The following PTPRT variants were observed in gnomAD, a reference collection of about 807,000 sequenced individuals.
PTPRT encodes the protein protein tyrosine phosphatase receptor type T, also known as receptor-type tyrosine-protein phosphatase T.
Under a neutral mutation model 176.8 loss-of-function variants are expected in PTPRT, and 56 were observed. The observed-to-expected ratio is 0.32, with a 90% CI of 0.26 to 0.40. PTPRT has a LOEUF of 0.40. PTPRT is among the 10% of genes least tolerant of loss of function. PTPRT has a pLI of 1.00. For synonymous variants in PTPRT, 783 were observed against 739.0 expected (o/e 1.06, Z -0.96); for missense variants, 1,540 against 1,908.2 (o/e 0.81, Z 3.60).
chr20:42,780,633 C>T (rs2077201230), intron 3 of PTPRT, among the ~76,000 whole-genome samples: 1 of 152,164 alleles, frequency 6.6e-6, no homozygotes, highest in South Asian at 2.1e-4. Flanking sequence ...CACAACTTGA[C>T]CATTCTTCTA....
intron 17 of PTPRT, among the ~76,000 whole-genome samples, chr20:42,160,733 C>A (rs1463935827): frequency 6.6e-6 from 1 of 152,190 alleles, no homozygotes; most frequent in African/African-American, 2.4e-5. Flanking sequence ...CGGTAACAAC[C>A]ACTACCTGCA....
chr20:43,114,600 C>T (rs1301512002), intron 1 of PTPRT, among the ~76,000 whole-genome samples: 1 of 152,090 alleles, frequency 6.6e-6, no homozygotes, highest in Non-Finnish European at 1.5e-5. Context: ...GGCCATTATC[C>T]TACTAATAAC....
At chr20:42,153,906 GTC>G (rs2146470246) in intron 17 of PTPRT, among the ~76,000 whole-genome samples, 1 of 152,292 alleles carries the variant, frequency 6.6e-6, no homozygotes, top group East Asian at 1.9e-4. Context: ...CATAACCATA[GTC>G]TCTTCCATGT....
intron 9 of PTPRT, among the ~76,000 whole-genome samples, chr20:42,376,180 G>A (rs190254305): frequency 5.9e-5 from 9 of 152,298 alleles, no homozygotes; most frequent in Non-Finnish European, 8.8e-5. Context: ...AGATGGAAAC[G>A]CTCCACCCTG....
At position 42,952,313 on chromosome 20, in the gene PTPRT, G is replaced by A. The variant is rs565773716; in HGVS notation, c.89-66381C>T. On this transcript the variant is annotated intron_variant, in intron 1 of 30. Transcript: ENST00000373187. ...TTCATGGAGCCAGAATCAAAGGGCT[G>A]CATAAACTAGGATTGTGTCCTCCTC... Among the ~76,000 whole-genome samples the A allele has an allele frequency of 2.6e-5, 4 of 152,356 alleles. No homozygotes were observed. The South Asian group carries it at 8.3e-4, about 32-fold the overall frequency.
chr20:42,369,013 C>T (rs529259308), intron 9 of PTPRT, among the ~76,000 whole-genome samples: 4 of 151,190 alleles, frequency 2.6e-5, no homozygotes, highest in Admixed American at 2.6e-4. Context: ...TTTCCTTTAC[C>T]TTTTCCCCTT....
intron 1 of PTPRT, among the ~76,000 whole-genome samples, chr20:42,893,541 G>T (rs2079233573): frequency 6.6e-6 from 1 of 151,594 alleles, no homozygotes; most frequent in South Asian, 2.1e-4. Flanking sequence ...AAATCATGCT[G>T]CTATAAAGAC....
intron 1 of PTPRT, among the ~76,000 whole-genome samples, chr20:42,970,504 C>T (rs1042280725): frequency 6.6e-6 from 1 of 152,142 alleles, no homozygotes; most frequent in African/African-American, 2.4e-5. Flanking sequence ...GTTATGCGAC[C>T]TTGACAAGTT....
intron 21 of PTPRT, among the ~76,000 whole-genome samples, chr20:42,116,304 C>G (rs924712518): frequency 6.6e-6 from 1 of 152,150 alleles, no homozygotes. Flanking sequence ...ATTTCCCAAA[C>G]GTATTTAACC....
At chr20:42,538,283 C>A (rs1326564364) in intron 7 of PTPRT, among the ~76,000 whole-genome samples, 2 of 152,096 alleles carry the variant, frequency 1.3e-5, no homozygotes, top group African/African-American at 4.8e-5. Flanking sequence ...GCAGGACACC[C>A]CTCTCAAGGT....
At chr20:43,120,885 A>G (rs1813607607) in intron 1 of PTPRT, among the ~76,000 whole-genome samples, 1 of 152,238 alleles carries the variant, frequency 6.6e-6, no homozygotes, top group African/African-American at 2.4e-5. Context: ...ATACAGAAAA[A>G]TGTACAAATC....
chr20:42,040,793 G>T, the PTPRT span, among the ~76,000 whole-genome samples: 2 of 152,126 alleles, frequency 1.3e-5, no homozygotes, highest in African/African-American at 4.8e-5. Context: ...ATGCTGCAGG[G>T]GTGTCTCCTT....
chr20:42,082,082 A>G, intron 29 of PTPRT, 65 bp from the exon 30 acceptor site: 1 of 1,607,846 alleles, frequency 6.2e-7, no homozygotes, highest in Non-Finnish European at 8.5e-7. Flanking sequence ...ATGATTCTAA[A>G]GCTACATCAG....
intron 7 of PTPRT, among the ~76,000 whole-genome samples, chr20:42,502,927 T>G (rs1301087851): frequency 1.3e-5 from 2 of 152,074 alleles, no homozygotes; most frequent in Non-Finnish European, 2.9e-5. Context: ...TGAGGAGTAT[T>G]TAAATATTTG....
intron 12 of PTPRT, among the ~76,000 whole-genome samples, chr20:42,314,308 C>T (rs1428253594): frequency 6.6e-6 from 1 of 152,016 alleles, no homozygotes; most frequent in Non-Finnish European, 1.5e-5. Context: ...GTGGGCAGAT[C>T]ACGAGGTCAG....
At chr20:42,297,222 C>T (rs928127381) in intron 12 of PTPRT, among the ~76,000 whole-genome samples, 1 of 152,046 alleles carries the variant, frequency 6.6e-6, no homozygotes, top group Non-Finnish European at 1.5e-5. Context: ...CCCCCAAAAA[C>T]ATAATGTATT....
intron 1 of PTPRT, among the ~76,000 whole-genome samples, chr20:42,937,156 AT>A (rs1980239275): frequency 6.6e-6 from 1 of 152,232 alleles, no homozygotes; most frequent in African/African-American, 2.4e-5. Context: ...TAGGCACATC[AT>A]AAAACTATTC....
intron 9 of PTPRT, among the ~76,000 whole-genome samples, chr20:42,419,194 G>T (rs1289069633): frequency 5.3e-5 from 8 of 152,206 alleles, no homozygotes; most frequent in Admixed American, 1.3e-4. Flanking sequence ...CAGTGTCAGT[G>T]TTCCAACTGT....
chr20:42,274,297 C>T (rs1394944138), intron 13 of PTPRT, among the ~76,000 whole-genome samples: 1 of 152,154 alleles, frequency 6.6e-6, no homozygotes, highest in Non-Finnish European at 1.5e-5. Flanking sequence ...TTCCCCTGCT[C>T]AGGGGTTCTC....
Sources: allele counts gnomAD v4.1 joint callset (sites outside exome capture counted in the v4.1 genomes callset), GRCh38; gene constraint gnomAD v4.1.1; transcripts MANE v1.5; gene names NCBI Gene and HGNC (gene_info 2026-07-23, HGNC 2026-07-21).